Variants in ARHGAP6 observed in about 807,000 individuals in gnomAD.
ARHGAP6 encodes rho GTPase-activating protein 6.
Under a neutral mutation model 55.7 loss-of-function variants are expected in ARHGAP6, and 16 were observed. The observed-to-expected ratio is 0.29, with a 90% CI of 0.19 to 0.44. The LOEUF (loss-of-function observed/expected upper bound fraction) is 0.44, where lower values mean the gene tolerates loss of function less well. Ranked by LOEUF, ARHGAP6 falls within the 20% of genes least tolerant of loss-of-function variation. ARHGAP6 has a pLI of 1.00. For synonymous variants in ARHGAP6, 382 were observed against 360.9 expected (o/e 1.06, Z -0.66); for missense variants, 698 against 808.9 (o/e 0.86, Z 1.66).
intron 1 of ARHGAP6, among the ~76,000 whole-genome samples, chrX:11,309,676 G>T: frequency 1.8e-5 from 2 of 111,761 alleles, no homozygotes; most frequent in Middle Eastern, 4.7e-3. Flanking sequence ...TGAAAAAAAT[G>T]CTCACTCACA....
intron 1 of ARHGAP6, among the ~76,000 whole-genome samples, chrX:11,323,211 G>A (rs887147279): frequency 7.1e-5 from 8 of 112,270 alleles, no homozygotes; most frequent in Admixed American, 5.7e-4. Flanking sequence ...AGTCAAACAC[G>A]CTAGTAAAAT....
At chrX:11,479,830 C>T (rs776317225) in intron 1 of ARHGAP6, among the ~76,000 whole-genome samples, 50 of 110,889 alleles carry the variant, frequency 4.5e-4, no homozygotes, top group Non-Finnish European at 7.9e-4. Context: ...CACTGGGGGT[C>T]GGGGGTATAC....
chrX:11,496,515 A>G (rs189734253), intron 1 of ARHGAP6, among the ~76,000 whole-genome samples: 1 of 112,422 alleles, frequency 8.9e-6, no homozygotes, highest in Non-Finnish European at 1.9e-5. Flanking sequence ...GTTCCTCATT[A>G]CAGTTGACAT....
chrX:11,577,283 G>A (rs2051610770), intron 1 of ARHGAP6, among the ~76,000 whole-genome samples: 1 of 112,172 alleles, frequency 8.9e-6, no homozygotes, highest in Admixed American at 9.5e-5. Context: ...AATGAGATAG[G>A]AAAGAGAAAG....
At chrX:11,457,412 C>A (rs1415543769) in intron 1 of ARHGAP6, among the ~76,000 whole-genome samples, 1 of 111,076 alleles carries the variant, frequency 9.0e-6, no homozygotes, top group African/African-American at 3.3e-5. Context: ...GTTTGCCTAA[C>A]CTTTGTCCCT....
intron 8 of ARHGAP6, among the ~76,000 whole-genome samples, chrX:11,174,581 T>C (rs867407131): frequency 4.7e-4 from 38 of 80,993 alleles, no homozygotes; most frequent in East Asian, 3.5e-3. Context: ...TTCCTTTCTT[T>C]CTTTCTTTCT....
chrX:11,368,233 T>C (rs960341917), intron 1 of ARHGAP6, among the ~76,000 whole-genome samples: 29 of 112,666 alleles, frequency 2.6e-4, no homozygotes, highest in African/African-American at 9.3e-4. Flanking sequence ...CTTGAGCATA[T>C]TGCATTACTG....
intron 1 of ARHGAP6, among the ~76,000 whole-genome samples, chrX:11,594,221 C>T (rs1364371624): frequency 9.0e-6 from 1 of 111,410 alleles, no homozygotes; most frequent in Non-Finnish European, 1.9e-5. Flanking sequence ...GCTCCCTTTG[C>T]CTCAAGGCCT....
chrX:11,558,012 C>G (rs889657665), intron 1 of ARHGAP6, among the ~76,000 whole-genome samples: 2 of 111,795 alleles, frequency 1.8e-5, no homozygotes, highest in African/African-American at 6.5e-5. Flanking sequence ...TTAAAGAAAG[C>G]TGGAATGGCC....
At chrX:11,331,429 G>A (rs183164355) in intron 1 of ARHGAP6, among the ~76,000 whole-genome samples, 5 of 111,948 alleles carry the variant, frequency 4.5e-5, no homozygotes, top group East Asian at 5.6e-4. Flanking sequence ...TATTCATTCC[G>A]AAGGTTTCTG....
At chrX:11,196,110 G>A (rs1216508568) in intron 3 of ARHGAP6, among the ~76,000 whole-genome samples, 1 of 107,379 alleles carries the variant, frequency 9.3e-6, no homozygotes, top group African/African-American at 3.5e-5. Flanking sequence ...CTCCAGCCTG[G>A]GTGACAGAGC....
intron 1 of ARHGAP6, among the ~76,000 whole-genome samples, chrX:11,656,567 G>GC (rs1222886426): frequency 8.9e-6 from 1 of 111,788 alleles, no homozygotes; most frequent in East Asian, 2.8e-4. Context: ...AAGGGCTGTG[G>GC]CTGCTTCCTC....
chrX:11,589,239 A>T lies in ARHGAP6; in HGVS notation c.588+75002T>A, dbSNP rs113196537. On this transcript the variant is annotated intron_variant, in intron 1 of 12. Coordinates refer to ENST00000337414, the MANE Select transcript of ARHGAP6 (RefSeq NM_013427.3). The stretch of plus-strand genomic sequence containing the variant: ...GTATTTTTAGTGGAGACGGGGTTTC[A>T]CCATCTTGGCCAGGCTGGTCTCTAA... 6.4e-3 allele frequency among the ~76,000 whole-genome samples: 685 copies of T among 106,935 alleles called. 7 individuals are homozygous for T. The highest frequency in any genetic ancestry group is 0.022 in the African/African-American group (651 of 29,243). The allele number at this position is 106,935 out of a possible 115,157, so 92.9% of individuals were successfully genotyped here.
At chrX:11,508,629 CT>C (rs2050756035) in intron 1 of ARHGAP6, among the ~76,000 whole-genome samples, 1 of 109,876 alleles carries the variant, frequency 9.1e-6, no homozygotes, top group Non-Finnish European at 1.9e-5. Flanking sequence ...CTCCAGCTGC[CT>C]TTGGACCCAC....
intron 1 of ARHGAP6, among the ~76,000 whole-genome samples, chrX:11,572,458 G>T (rs748943632): frequency 3.6e-5 from 4 of 110,429 alleles, no homozygotes; most frequent in African/African-American, 6.6e-5. Context: ...TTGTTCTTGC[G>T]ATAGTTTAAT....
At chrX:11,171,860 T>A (rs935620277) in intron 8 of ARHGAP6, among the ~76,000 whole-genome samples, 2 of 111,702 alleles carry the variant, frequency 1.8e-5, no homozygotes, top group African/African-American at 6.5e-5. Flanking sequence ...AACCCACAGT[T>A]GTGACAACCA....
intron 1 of ARHGAP6, among the ~76,000 whole-genome samples, chrX:11,488,895 G>T (rs1250751192): frequency 9.0e-6 from 1 of 111,524 alleles, no homozygotes; most frequent in African/African-American, 3.3e-5. Context: ...GGGGACCGCT[G>T]GTCTACACCT....
Position 11,139,178 on chromosome X carries a change from G to T in ARHGAP6, c.2610C>A (p.Pro870=). Residue 870 remains proline, a synonymous_variant, in exon 13 of 13, where the codon CCC becomes CCA. Coordinates refer to ENST00000337414, the MANE Select transcript of ARHGAP6 (RefSeq NM_013427.3). ...QSRATPQCQR[P]HGSGRDDKRP... ...GCTTGTCATCCCTCCCACTCCCATGGGGTCTTTGGCACTGAGGTGTGGCCC... is the reference window on the plus strand; with the variant it reads ...GCTTGTCATCCCTCCCACTCCCATGTGGTCTTTGGCACTGAGGTGTGGCCC... 8.3e-7 allele frequency: 1 copy of T among 1,206,786 alleles called. No individual in the cohort carries two copies. Among genetic ancestry groups the T allele is most frequent in the African/African-American group, 1.7e-5 (1 of 57,888 alleles).
intron 1 of ARHGAP6, chrX:11,351,394 T>C (rs1406076134): frequency 1.3e-5 from 13 of 967,931 alleles, no homozygotes; most frequent in African/African-American, 8.0e-5. Context: ...ACAAATATCC[T>C]GTACATGAGA....
Sources: allele counts gnomAD v4.1 joint callset (sites outside exome capture counted in the v4.1 genomes callset), GRCh38; gene constraint gnomAD v4.1.1; transcripts MANE v1.5; gene names NCBI Gene and HGNC (gene_info 2026-07-23, HGNC 2026-07-21).